DLGAP1: variants seen among roughly 807,000 people sequenced by gnomAD.
DLGAP1 encodes the protein DLG associated protein 1.
In DLGAP1, 11 loss-of-function variants were observed where a neutral mutation model predicts 90.8. The ratio of observed to expected loss-of-function variants is 0.12; its 90% CI spans 0.08 to 0.20. DLGAP1 has a LOEUF of 0.20. Ranked by LOEUF, DLGAP1 falls within the 10% of genes least tolerant of loss-of-function variation. The pLI is 1.00. For synonymous variants in DLGAP1, 558 were observed against 540.7 expected (o/e 1.03, Z -0.44); for missense variants, 1,050 against 1,333.8 (o/e 0.79, Z 3.31).
chr18:4,083,675 C>T (rs186784221), intron 2 of DLGAP1, among the ~76,000 whole-genome samples: 22 of 152,248 alleles, frequency 1.4e-4, no homozygotes, highest in Admixed American at 6.5e-4. Context: ...CCTTTTCCTC[C>T]GTGCAGGGCA....
intron 10 of DLGAP1, among the ~76,000 whole-genome samples, chr18:3,529,647 C>T (rs2051863683): frequency 6.6e-6 from 1 of 152,088 alleles, no homozygotes; most frequent in African/African-American, 2.4e-5. Flanking sequence ...AGAAAGCTTA[C>T]TTTTTAGTGG....
At chr18:4,243,503 T>G (rs935704241) in intron 1 of DLGAP1, among the ~76,000 whole-genome samples, 3 of 152,198 alleles carry the variant, frequency 2.0e-5, no homozygotes, top group Admixed American at 6.5e-5. Context: ...GTATTCTTCA[T>G]CAATGATCTC....
chr18:4,053,359 A>G (rs546964696), intron 2 of DLGAP1, among the ~76,000 whole-genome samples: 2 of 152,146 alleles, frequency 1.3e-5, no homozygotes. Context: ...TTATATAACC[A>G]TCAGGTCTTG....
intron 2 of DLGAP1, among the ~76,000 whole-genome samples, chr18:4,086,856 G>A (rs2075688659): frequency 6.6e-6 from 1 of 151,620 alleles, no homozygotes; most frequent in East Asian, 1.9e-4. Flanking sequence ...CTTACTGAGA[G>A]AGAAGTGTTA....
chr18:3,679,178 T>C (rs1360021646), intron 7 of DLGAP1, among the ~76,000 whole-genome samples: 1 of 151,158 alleles, frequency 6.6e-6, no homozygotes, highest in Non-Finnish European at 1.5e-5. Context: ...CAAATATTGG[T>C]TTCTCATTTT....
chr18:4,057,106 C>T (rs1186613863), intron 2 of DLGAP1, among the ~76,000 whole-genome samples: 3 of 150,786 alleles, frequency 2.0e-5, no homozygotes, highest in Non-Finnish European at 3.0e-5. Flanking sequence ...AGGAGAGGGG[C>T]TCCTGCCACC....
At chr18:4,172,166 C>A (rs1033245644) in intron 1 of DLGAP1, among the ~76,000 whole-genome samples, 1 of 152,124 alleles carries the variant, frequency 6.6e-6, no homozygotes, top group Non-Finnish European at 1.5e-5. Flanking sequence ...GAACCTTTGC[C>A]TCAGATACAT....
intron 3 of DLGAP1, among the ~76,000 whole-genome samples, chr18:3,910,219 AAG>A (rs1568295064): frequency 1.3e-5 from 2 of 151,726 alleles, no homozygotes; most frequent in Non-Finnish European, 2.9e-5. Context: ...TCAAATGCTA[AAG>A]AGAGTCACAA....
chr18:4,257,945 G>A (rs1157768400), intron 1 of DLGAP1, among the ~76,000 whole-genome samples: 1 of 148,854 alleles, frequency 6.7e-6, no homozygotes, highest in African/African-American at 2.5e-5. Flanking sequence ...TCTAGCAATC[G>A]TTATGGATTA....
Position 3,880,147 on chromosome 18 carries a change from G to GA in DLGAP1, c.-72-8dup. The GA allele has an allele frequency of 7.3e-7, 1 of 1,370,872 alleles. No homozygotes were observed. Among genetic ancestry groups the GA allele is most frequent in the Non-Finnish European group, 1.0e-6 (1 of 985,072 alleles). The allele number at this position is 1,370,872 out of a possible 1,614,324, so 84.9% of individuals were successfully genotyped here. ...ACCCGTCTTGGGCAGGGATCTGGGGGAATGAAGAAAAGGGCAAAGTCGTTA... is the reference window on the plus strand; with the variant it reads ...ACCCGTCTTGGGCAGGGATCTGGGGGAAATGAAGAAAAGGGCAAAGTCGTTA... On this transcript the variant is annotated splice_region_variant and splice_polypyrimidine_tract_variant and intron_variant, in intron 3 of 12. Coordinates refer to ENST00000315677, the MANE Select transcript of DLGAP1 (RefSeq NM_004746.4).
chr18:3,670,210 A>G (rs934509515), intron 7 of DLGAP1, among the ~76,000 whole-genome samples: 1 of 152,238 alleles, frequency 6.6e-6, no homozygotes, highest in Non-Finnish European at 1.5e-5. Flanking sequence ...AAGCATATTC[A>G]GACTTAATAC....
chr18:4,444,808 G>C (rs978215596), intron 1 of DLGAP1, among the ~76,000 whole-genome samples: 3 of 152,128 alleles, frequency 2.0e-5, no homozygotes, highest in Non-Finnish European at 4.4e-5. Context: ...ACCCAACTTT[G>C]AACTAGATAC....
chr18:4,359,565 A>G (rs917014075), intron 1 of DLGAP1, among the ~76,000 whole-genome samples: 2 of 152,226 alleles, frequency 1.3e-5, no homozygotes, highest in African/African-American at 4.8e-5. Flanking sequence ...CATAAAACTT[A>G]TATTAAATAA....
chr18:4,248,925 T>C (rs1025570961), intron 1 of DLGAP1, among the ~76,000 whole-genome samples: 4 of 152,198 alleles, frequency 2.6e-5, no homozygotes, highest in Non-Finnish European at 4.4e-5. Context: ...GTGCCTTGAA[T>C]TGGTCAGGCA....
intron 1 of DLGAP1, among the ~76,000 whole-genome samples, chr18:4,312,007 T>C (rs1394460607): frequency 1.3e-5 from 2 of 152,136 alleles, no homozygotes; most frequent in African/African-American, 2.4e-5. Flanking sequence ...TGAGCCACCA[T>C]GCCTGGCTAA....
intron 1 of DLGAP1, among the ~76,000 whole-genome samples, chr18:4,174,444 C>G (rs568118511): frequency 6.6e-6 from 1 of 152,126 alleles, no homozygotes; most frequent in Admixed American, 6.5e-5. Flanking sequence ...AAGCAATTCT[C>G]CTGCCTCAGT....
intron 8 of DLGAP1, among the ~76,000 whole-genome samples, chr18:3,573,203 A>T: frequency 6.6e-6 from 1 of 152,028 alleles, no homozygotes; most frequent in Non-Finnish European, 1.5e-5. Flanking sequence ...ATTTGATTAA[A>T]ATATATTAAG....
intron 1 of DLGAP1, among the ~76,000 whole-genome samples, chr18:4,450,404 C>G (rs1418496388): frequency 6.6e-6 from 1 of 152,164 alleles, no homozygotes; most frequent in Non-Finnish European, 1.5e-5. Flanking sequence ...GTTACTCTAG[C>G]AGATGTTTTC....
At chr18:3,622,245 C>T (rs1433118731) in intron 7 of DLGAP1, among the ~76,000 whole-genome samples, 6 of 151,964 alleles carry the variant, frequency 3.9e-5, no homozygotes, top group Admixed American at 2.0e-4. Flanking sequence ...GCTGGGACTA[C>T]AGGCGCCCAC....
Sources: allele counts gnomAD v4.1 joint callset (sites outside exome capture counted in the v4.1 genomes callset), GRCh38; gene constraint gnomAD v4.1.1; transcripts MANE v1.5; gene names NCBI Gene and HGNC (gene_info 2026-07-23, HGNC 2026-07-21).